Variants in TBXAS1 observed in about 807,000 individuals in gnomAD.
TBXAS1 encodes the protein thromboxane-A synthase.
A neutral mutation model predicts 60.7 loss-of-function variants in TBXAS1; 48 were observed. The observed-to-expected ratio is 0.79, with a 90% confidence interval of 0.63 to 1.01. The LOEUF (loss-of-function observed/expected upper bound fraction) is 1.01, where lower values mean the gene tolerates loss of function less well. TBXAS1 is among the 50% of genes least tolerant of loss of function. TBXAS1 has a pLI of 0.00. For missense variants in TBXAS1, 685 were observed against 686.3 expected, an observed-to-expected ratio of 1.00 and a Z score of 0.02; for synonymous variants, 287 against 269.7, an observed-to-expected ratio of 1.06 and a Z score of -0.63.
intron 7 of TBXAS1, among the ~76,000 whole-genome samples, chr7:139,957,058 C>A (rs917342027): frequency 6.6e-6 from 1 of 152,196 alleles, no homozygotes; most frequent in Admixed American, 6.5e-5. Context: ...CAGCCCGATC[C>A]CCAGCACATG....
intron 1 of TBXAS1, among the ~76,000 whole-genome samples, chr7:139,869,823 G>A (rs1801691379): frequency 6.6e-6 from 1 of 152,158 alleles, no homozygotes; most frequent in African/African-American, 2.4e-5. Flanking sequence ...TTACAACTGG[G>A]GTTCATTGAT....
At chr7:139,809,320 TTAGATAGA>T (rs55917453) in intron 4 of TBXAS1, among the ~76,000 whole-genome samples, 10,659 of 144,828 alleles carry the variant, frequency 0.074, 559 homozygotes, top group East Asian at 0.17. Flanking sequence ...CAATAGGAGA[TTAGATAGA>T]TAGATAGATA....
intron 4 of TBXAS1, among the ~76,000 whole-genome samples, chr7:139,929,221 T>C (rs1322718453): frequency 2.6e-5 from 4 of 152,214 alleles, no homozygotes; most frequent in Admixed American, 1.3e-4. Context: ...GTTACTTCTA[T>C]AGAAGGGTGC....
Position 139,865,847 on chromosome 7 carries a change from GGAA to G in TBXAS1, c.90-6386_90-6384del, listed in dbSNP as rs1305489109. 1.2e-3 allele frequency among the ~76,000 whole-genome samples: 134 copies of G among 107,548 alleles called. 2 individuals are homozygous for G. Among genetic ancestry groups the G allele is most frequent in the African/African-American group, 2.5e-3 (63 of 25,600 alleles). 70.6% of individuals were successfully genotyped at this position (107,548 alleles called of 152,430 possible). ...AGGGAGGGAGGGGGGAAAGGAAGAA[GGAA>G]GGAGGGAGGGAGGAAGGAAGGAGGG... On this transcript the variant is annotated intron_variant, in intron 1 of 12. Coordinates refer to ENST00000448866, the MANE Select transcript of TBXAS1 (RefSeq NM_001061.7).
At chr7:139,920,547 C>G (rs1806381684) in intron 4 of TBXAS1, among the ~76,000 whole-genome samples, 1 of 152,128 alleles carries the variant, frequency 6.6e-6, no homozygotes, top group Non-Finnish European at 1.5e-5. Flanking sequence ...GCAAGAGATG[C>G]CAAGGAAGGC....
intron 4 of TBXAS1, among the ~76,000 whole-genome samples, chr7:139,914,857 T>C (rs1247120765): frequency 3.3e-5 from 5 of 152,236 alleles, no homozygotes; most frequent in Non-Finnish European, 7.3e-5. Context: ...ATCTTGTATT[T>C]TTTTTAAACC....
At chr7:139,791,746 T>C (rs551264828) in intron 4 of TBXAS1, among the ~76,000 whole-genome samples, 1 of 151,936 alleles carries the variant, frequency 6.6e-6, no homozygotes, top group Admixed American at 6.6e-5. Flanking sequence ...GATTTGGGTA[T>C]GGAGGCAGTG....
rs1405341227 is a variant in TBXAS1 at position 139,962,103 on chromosome 7, C to T, written c.1004C>T (p.Ala335Val). The change falls in exon 9 of 13, where the codon GCC (alanine) becomes GTC (valine). Residue 335 changes from alanine to valine, a missense_variant. Ala to Val is a moderately conservative substitution (Grantham distance 64). Coordinates refer to ENST00000448866, the MANE Select transcript of TBXAS1 (RefSeq NM_001061.7). ...ACTGTGGATGAGATTGTGGGCCAGGCCTTCATCTTCCTCATCGCTGGCTAT... is the reference window on the plus strand; with the variant it reads ...ACTGTGGATGAGATTGTGGGCCAGGTCTTCATCTTCCTCATCGCTGGCTAT... ...PLTVDEIVGQ[A>V]FIFLIAGYEI... 1 of 1,614,202 alleles carries T rather than the reference C, an allele frequency of 6.2e-7. No homozygotes were observed. Among genetic ancestry groups the T allele is most frequent in the Non-Finnish European group, 8.5e-7 (1 of 1,180,040 alleles).
At chr7:139,906,458 T>C (rs753567075) in intron 3 of TBXAS1, among the ~76,000 whole-genome samples, 1 of 152,172 alleles carries the variant, frequency 6.6e-6, no homozygotes, top group Non-Finnish European at 1.5e-5. Context: ...GGTCTACTTC[T>C]GGGTTCTCTA....
chr7:139,821,421 G>C (rs1446929121), intron 4 of TBXAS1, among the ~76,000 whole-genome samples: 1 of 152,230 alleles, frequency 6.6e-6, no homozygotes, highest in East Asian at 1.9e-4. Context: ...CAAGTGAGTG[G>C]ATGAGATTGC....
At chr7:139,875,746 G>C in intron 3 of TBXAS1, 109 bp downstream of exon 3, 2 of 1,360,152 alleles carry the variant, frequency 1.5e-6, no homozygotes, top group South Asian at 2.4e-5. Flanking sequence ...GATTAGGAAT[G>C]TTGTATGTGT....
chr7:139,931,472 GA>G (rs1807323266), intron 4 of TBXAS1, among the ~76,000 whole-genome samples: 1 of 152,186 alleles, frequency 6.6e-6, no homozygotes, highest in African/African-American at 2.4e-5. Flanking sequence ...TGCTGATAAA[GA>G]CATACCTGAG....
chr7:139,863,959 A>G (rs1182428872), intron 1 of TBXAS1, among the ~76,000 whole-genome samples: 1 of 152,318 alleles, frequency 6.6e-6, no homozygotes, highest in East Asian at 1.9e-4. Context: ...GAAAACTCTA[A>G]AGCAAAACCT....
rs139594458 is a variant in TBXAS1, at chr7:139,918,222, G to A, written c.333+6901G>A. Among the ~76,000 whole-genome samples, 74 of 152,252 alleles carry A rather than the reference G, an allele frequency of 4.9e-4. No homozygotes were observed. The Middle Eastern group carries it at 0.017, about 35-fold the overall frequency. The stretch of plus-strand genomic sequence containing the variant: ...TTTGCTACCTCTTATTAGTTGTGTG[G>A]CCTTCAGACAATCCTTTAACCTCCT... On this transcript the variant is annotated intron_variant, in intron 4 of 12. Transcript: ENST00000448866.
At position 139,996,167 on chromosome 7, in the gene TBXAS1, A is replaced by G. The variant is rs566997281; in HGVS notation, c.1135-10924A>G. On this transcript the variant is annotated intron_variant, in intron 9 of 12. Coordinates refer to ENST00000448866, the MANE Select transcript of TBXAS1 (RefSeq NM_001061.7). ...TTTTTTTTAGAGATGGGGTTTCACT[A>G]TGTTGTCCAGGCTGGTCTCGATCTC... is the stretch of plus-strand genomic sequence containing the variant. Among the ~76,000 whole-genome samples the G allele has an allele frequency of 3.4e-5, 5 of 145,236 alleles. No homozygotes were observed. The South Asian group carries it at 6.5e-4, about 19-fold the overall frequency.
intron 9 of TBXAS1, among the ~76,000 whole-genome samples, chr7:139,989,979 C>A (rs765014939): frequency 6.6e-6 from 1 of 152,208 alleles, no homozygotes; most frequent in Non-Finnish European, 1.5e-5. Flanking sequence ...CTGTGAGCTC[C>A]TCCTTATGCA....
chr7:139,905,295 T>C (rs548571719), intron 3 of TBXAS1, among the ~76,000 whole-genome samples: 2 of 152,238 alleles, frequency 1.3e-5, no homozygotes, highest in East Asian at 3.9e-4. Flanking sequence ...GTCCCTTGTA[T>C]GCCGATTTTG....
At chr7:139,816,306 A>G (rs1798146223) in intron 4 of TBXAS1, among the ~76,000 whole-genome samples, 1 of 152,030 alleles carries the variant, frequency 6.6e-6, no homozygotes, top group East Asian at 1.9e-4. Flanking sequence ...TACAGATGGG[A>G]AGTCAGGGTC....
intron 9 of TBXAS1, among the ~76,000 whole-genome samples, chr7:139,990,326 C>G (rs1812797418): frequency 6.6e-6 from 1 of 152,242 alleles, no homozygotes; most frequent in Admixed American, 6.5e-5. Context: ...CAGCATTCCT[C>G]CTTCCTAAGC....
Sources: allele counts gnomAD v4.1 joint callset (sites outside exome capture counted in the v4.1 genomes callset), GRCh38; gene constraint gnomAD v4.1.1; transcripts MANE v1.5; gene names NCBI Gene and HGNC (gene_info 2026-07-23, HGNC 2026-07-21).